The following CACNA1B variants were observed in gnomAD, a reference collection of about 807,000 sequenced individuals.
The protein encoded by CACNA1B is voltage-dependent N-type calcium channel subunit alpha-1B.
A neutral mutation model predicts 247.2 loss-of-function variants in CACNA1B; 70 were observed. That is an observed-to-expected ratio of 0.28 (90% CI 0.23 to 0.35). CACNA1B has a LOEUF of 0.35. Among genes scored for constraint, CACNA1B ranks in the 10% least tolerant of loss-of-function variants. The probability of loss-of-function intolerance (pLI) is 1.00; values close to 1 mark genes in which losing one functional copy is unlikely to be tolerated. For missense variants in CACNA1B, 2,367 were observed against 3,197.4 expected (o/e 0.74, Z 6.26); for synonymous variants, 1,231 against 1,294.4 (o/e 0.95, Z 1.05).
At chr9:137,928,408 C>G (rs1564193864) in intron 6 of CACNA1B, among the ~76,000 whole-genome samples, 1 of 152,082 alleles carries the variant, frequency 6.6e-6, no homozygotes, top group Non-Finnish European at 1.5e-5. Context: ...TATGATTTTC[C>G]TTTTTTTGTA....
At chr9:137,932,051 T>A (rs56681874) in intron 6 of CACNA1B, among the ~76,000 whole-genome samples, 5,864 of 152,216 alleles carry the variant, frequency 0.039, 366 homozygotes, top group African/African-American at 0.13. Flanking sequence ...GAAAAAGACA[T>A]AAGCCACCTT....
chr9:138,086,199 A>G (rs778825893), intron 36 of CACNA1B, among the ~76,000 whole-genome samples: 3 of 151,232 alleles, frequency 2.0e-5, no homozygotes, highest in Non-Finnish European at 2.9e-5. Flanking sequence ...GGCTGAATAG[A>G]TTTTTTAAAT....
In CACNA1B at chr9:137,986,330, G is replaced by A. The variant is rs1233187759; in HGVS notation, c.1770-83G>A. On this transcript the variant is annotated intron_variant, in intron 13 of 46. Coordinates refer to ENST00000371372, the MANE Select transcript of CACNA1B (RefSeq NM_000718.4). The surrounding 1 kb of genome is among the most constrained non-coding windows in gnomAD (Gnocchi z 6.0). Reference sequence around the variant, plus strand: ...AGCCCTCAGGGTTTAGAAAGTCAGTGGAGCCTTAAGTGTGGCTGCAGAGAG... The same window carrying A: ...AGCCCTCAGGGTTTAGAAAGTCAGTAGAGCCTTAAGTGTGGCTGCAGAGAG... The A allele has an allele frequency of 2.0e-6, 3 of 1,482,750 alleles. No individual in the cohort carries two copies. Among genetic ancestry groups the A allele is most frequent in the Admixed American group, 1.9e-5 (1 of 53,652 alleles). 91.8% of individuals were successfully genotyped at this position (1,482,750 alleles called of 1,614,324 possible). A position where few individuals can be genotyped will look rare whatever the true frequency, so the allele number is the denominator to read the frequency against.
intron 6 of CACNA1B, among the ~76,000 whole-genome samples, chr9:137,951,951 G>A (rs923752375): frequency 6.6e-6 from 1 of 152,146 alleles, no homozygotes; most frequent in Non-Finnish European, 1.5e-5. Context: ...ATGCCACCTC[G>A]GGGCATCCAC....
chr9:138,115,833 A>T (rs1049971697), intron 42 of CACNA1B, among the ~76,000 whole-genome samples, 154 bp downstream of exon 42: 1 of 152,142 alleles, frequency 6.6e-6, no homozygotes, highest in South Asian at 2.1e-4. Flanking sequence ...CGTGTCTGCC[A>T]TCCGACCCTG....
chr9:138,039,054 G>A (rs1959082956), intron 20 of CACNA1B, among the ~76,000 whole-genome samples: 1 of 151,956 alleles, frequency 6.6e-6, no homozygotes, highest in African/African-American at 2.4e-5. Context: ...AAATTAGCCG[G>A]GTGTAGTGGG....
intron 35 of CACNA1B, 89 bp downstream of exon 35, chr9:138,075,999 G>T: frequency 3.6e-6 from 3 of 839,956 alleles, no homozygotes; most frequent in East Asian, 5.3e-5. Flanking sequence ...GTCAACCGTG[G>T]AGACCACCCA....
At chr9:137,878,987 C>T in intron 1 of CACNA1B, 67 bp from the exon 2 acceptor site, 1 of 1,002,602 alleles carries the variant, frequency 1.0e-6, no homozygotes, top group Admixed American at 2.0e-5. Context: ...CTGCACTGGG[C>T]TCTGCTGGCG....
chr9:137,924,382 TC>T (rs1449493039), intron 6 of CACNA1B, among the ~76,000 whole-genome samples: 1 of 144,860 alleles, frequency 6.9e-6, no homozygotes, highest in East Asian at 2.3e-4. Context: ...CCCTCCTCCT[TC>T]CTTCCCTCCC....
At chr9:137,916,564 T>A (rs1957413430) in intron 5 of CACNA1B, among the ~76,000 whole-genome samples, 1 of 152,166 alleles carries the variant, frequency 6.6e-6, no homozygotes, top group Non-Finnish European at 1.5e-5. Flanking sequence ...CCAGCCACCC[T>A]CCGGGTACAT....
intron 40 of CACNA1B, 65 bp from the exon 41 acceptor site, chr9:138,114,313 C>A: frequency 2.5e-6 from 2 of 815,258 alleles, no homozygotes; most frequent in Non-Finnish European, 4.2e-6. Flanking sequence ...ACCTTACTTC[C>A]ATACCTTGTT....
intron 20 of CACNA1B, chr9:138,032,842 C>A: frequency 2.8e-6 from 1 of 362,438 alleles, no homozygotes; most frequent in Non-Finnish European, 5.3e-6. Flanking sequence ...AGTTTGATTA[C>A]AGTGTGCTTT....
intron 21 of CACNA1B, among the ~76,000 whole-genome samples, chr9:138,045,030 A>G (rs760489666): frequency 3.9e-5 from 6 of 152,246 alleles, no homozygotes; most frequent in Non-Finnish European, 5.9e-5. Context: ...AGCAGGTGAT[A>G]GAAGGCCAGG....
chr9:137,940,850 G>A (rs181946435), intron 6 of CACNA1B, among the ~76,000 whole-genome samples: 71 of 152,184 alleles, frequency 4.7e-4, no homozygotes, highest in Admixed American at 3.8e-3. Context: ...AAGAACCTTC[G>A]ACAAAATTCA....
At position 137,913,170 on chromosome 9, in the gene CACNA1B, T is replaced by C; in HGVS notation, c.531-10T>C. The C allele has an allele frequency of 6.2e-7, 1 of 1,612,576 alleles. No individual in the cohort carries two copies. The highest frequency in any genetic ancestry group is 8.5e-7 in the Non-Finnish European group (1 of 1,178,726). The stretch of plus-strand genomic sequence containing the variant: ...ACCTTTACTTCCCTTCTTCTCCTTG[T>C]TTCTGCCAGGATCCTTGCCACGGCT... On this transcript the variant is annotated splice_polypyrimidine_tract_variant and intron_variant, in intron 3 of 46. Coordinates refer to ENST00000371372, the MANE Select transcript of CACNA1B (RefSeq NM_000718.4). This position sits in a 1 kb window ranked among gnomAD's most constrained non-coding sequence, Gnocchi z 5.2.
In CACNA1B at chr9:138,058,010, T is replaced by A. The variant is rs1244624045; in HGVS notation, c.4107-39T>A. 1 of 1,589,004 alleles carries A rather than the reference T, an allele frequency of 6.3e-7. No homozygotes were observed. Among genetic ancestry groups the A allele is most frequent in the Non-Finnish European group, 8.6e-7 (1 of 1,157,300 alleles). ...TCTTGAGTTCTTAGGGCTGTCTCCT[T>A]TGGGGGTTCCCCTGACACTTGCTCT... On this transcript the variant is annotated intron_variant, in intron 27 of 46. Coordinates refer to ENST00000371372, the MANE Select transcript of CACNA1B (RefSeq NM_000718.4). The surrounding 1 kb of genome is among the most constrained non-coding windows in gnomAD (Gnocchi z 4.7).
chr9:137,959,137 A>G, intron 10 of CACNA1B, among the ~76,000 whole-genome samples: 1 of 152,082 alleles, frequency 6.6e-6, no homozygotes, highest in East Asian at 1.9e-4. Context: ...CAATGGTGCA[A>G]TCTCGGCTCA....
Position 137,923,252 on chromosome 9 carries a change from ATTCCGTGGTGCCAGGTG to A in CACNA1B, c.966+5822_966+5838del, listed in dbSNP as rs1298113562. On this transcript the variant is annotated intron_variant, in intron 6 of 46. Coordinates refer to ENST00000371372, the MANE Select transcript of CACNA1B (RefSeq NM_000718.4). ...GTGGTATTCCATGGTGCCAGGTGGT[ATTCCGTGGTGCCAGGTG>A]GTATTCCATGGTGCCAGGTGGTATT... Among the ~76,000 whole-genome samples the A allele has an allele frequency of 4.0e-3, 602 of 149,422 alleles. 14 individuals carry two copies. The highest frequency in any genetic ancestry group is 0.015 in the African/African-American group (581 of 39,910).
At chr9:138,107,842 G>A (rs184889386) in intron 39 of CACNA1B, among the ~76,000 whole-genome samples, 105 of 152,062 alleles carry the variant, frequency 6.9e-4, no homozygotes, top group Middle Eastern at 3.4e-3. Context: ...AAAATTAGCC[G>A]GGCATGGTGG....
Sources: allele counts gnomAD v4.1 joint callset (sites outside exome capture counted in the v4.1 genomes callset), GRCh38; gene constraint gnomAD v4.1.1; non-coding constraint Gnocchi (gnomAD v3.1); transcripts MANE v1.5; gene names NCBI Gene and HGNC (gene_info 2026-07-23, HGNC 2026-07-21).